The following SRGAP1 variants were observed in gnomAD, a reference collection of about 807,000 sequenced individuals.
SRGAP1 encodes SLIT-ROBO Rho GTPase activating protein 1.
Under a neutral mutation model 121.9 loss-of-function variants are expected in SRGAP1, and 43 were observed. That is an observed-to-expected ratio of 0.35 (90% CI 0.28 to 0.46). SRGAP1 has a LOEUF of 0.46. SRGAP1 is among the 20% of genes least tolerant of loss of function. The pLI is 1.00. For synonymous variants in SRGAP1, 447 were observed against 485.4 expected, an observed-to-expected ratio of 0.92 and a Z score of 1.04; for missense variants, 1,102 against 1,350.9, an observed-to-expected ratio of 0.82 and a Z score of 2.89.
chr12:64,034,866 A>C (rs2034863223), intron 4 of SRGAP1, among the ~76,000 whole-genome samples: 1 of 152,144 alleles, frequency 6.6e-6, no homozygotes, highest in Non-Finnish European at 1.5e-5. Context: ...ATTGTCCTAT[A>C]AATGCTGCTT....
intron 18 of SRGAP1, among the ~76,000 whole-genome samples, chr12:64,117,886 G>A (rs1184154753): frequency 6.6e-6 from 1 of 152,164 alleles, no homozygotes; most frequent in Non-Finnish European, 1.5e-5. Flanking sequence ...ATTTCACTTA[G>A]CAAAATGTCC....
chr12:64,119,608 A>C (rs1038606640), intron 18 of SRGAP1, among the ~76,000 whole-genome samples: 7 of 151,790 alleles, frequency 4.6e-5, no homozygotes, highest in Non-Finnish European at 7.4e-5. Context: ...CTTAGCATTC[A>C]TTTTCAACAC....
In SRGAP1 at chr12:64,142,340, C is replaced by A. The variant is rs763452266; in HGVS notation, c.2926C>A (p.Leu976Met). 3 of 1,614,072 alleles carry A rather than the reference C, an allele frequency of 1.9e-6. No homozygotes were observed. In the South Asian group the frequency reaches 3.3e-5, roughly 18 times the overall value. The part of the protein sequence containing the change: ...MNTALNELRE[L>M]ERQSTAKHAP... ...CACAGCTTTGAATGAACTCCGAGAA[C>A]TGGAGAGACAGAGCACAGCAAAGCA... is the stretch of plus-strand genomic sequence containing the variant. The change falls in exon 22 of 22, where the codon CTG becomes ATG. Residue 976 changes from leucine (L) to methionine (M), a missense_variant. Leu to Met is a conservative substitution (Grantham distance 15). Coordinates refer to ENST00000355086, the MANE Select transcript of SRGAP1 (RefSeq NM_020762.4).
intron 1 of SRGAP1, among the ~76,000 whole-genome samples, chr12:63,945,982 A>G (rs1341170107): frequency 6.7e-6 from 1 of 149,896 alleles, no homozygotes; most frequent in Non-Finnish European, 1.5e-5. Flanking sequence ...ATACCTTCCT[A>G]CCTGGTTCAC....
At chr12:63,854,210 T>G (rs1433123088) in intron 1 of SRGAP1, among the ~76,000 whole-genome samples, 1 of 152,202 alleles carries the variant, frequency 6.6e-6, no homozygotes, top group Non-Finnish European at 1.5e-5. Flanking sequence ...CTCTTAGTAT[T>G]AATAATTCCT....
chr12:63,897,357 T>C (rs1039505587), intron 1 of SRGAP1, among the ~76,000 whole-genome samples: 13 of 152,348 alleles, frequency 8.5e-5, no homozygotes, highest in African/African-American at 2.2e-4. Flanking sequence ...GATAATATTA[T>C]GAGAACTAGA....
intron 1 of SRGAP1, among the ~76,000 whole-genome samples, chr12:63,965,397 G>T (rs1286571340): frequency 6.6e-6 from 1 of 152,022 alleles, no homozygotes; most frequent in Non-Finnish European, 1.5e-5. Context: ...TTAATAGCTT[G>T]GTAATAGAAA....
chr12:63,909,568 T>A (rs1820943350), intron 1 of SRGAP1, among the ~76,000 whole-genome samples: 4 of 152,244 alleles, frequency 2.6e-5, no homozygotes, highest in Non-Finnish European at 5.9e-5. Context: ...AGGCACACTC[T>A]CTGTGTTCCT....
At chr12:64,097,852 G>A (rs548727795) in intron 15 of SRGAP1, among the ~76,000 whole-genome samples, 14 of 152,236 alleles carry the variant, frequency 9.2e-5, no homozygotes, top group African/African-American at 3.4e-4. Context: ...CTGTCAGTGG[G>A]CAACCCAAGC....
intron 15 of SRGAP1, among the ~76,000 whole-genome samples, chr12:64,099,614 C>G (rs1185269646): frequency 6.6e-6 from 1 of 152,122 alleles, no homozygotes; most frequent in African/African-American, 2.4e-5. Flanking sequence ...CTTGCGTAGC[C>G]TGAGTCATCA....
At chr12:64,067,030 AAAAGAAAAAAAAAAGG>A (rs2035553361) in intron 8 of SRGAP1, among the ~76,000 whole-genome samples, 1 of 116,302 alleles carries the variant, frequency 8.6e-6, no homozygotes, top group Non-Finnish European at 2.2e-5. Context: ...GTTTTTTTTT[AAAAGAAAAAAAAAAGG>A]TCTGGCCACT....
intron 1 of SRGAP1, among the ~76,000 whole-genome samples, chr12:63,911,278 G>A (rs1328909378): frequency 7.1e-4 from 99 of 139,202 alleles, no homozygotes; most frequent in African/African-American, 2.5e-3. Context: ...CAGCCTGGGC[G>A]ACAGAGTGAG....
chr12:63,973,252 A>G (rs2033007550), intron 1 of SRGAP1, among the ~76,000 whole-genome samples: 1 of 152,248 alleles, frequency 6.6e-6, no homozygotes, highest in Non-Finnish European at 1.5e-5. Context: ...ACATTCTAAT[A>G]TATTCTAAAC....
intron 3 of SRGAP1, among the ~76,000 whole-genome samples, chr12:64,011,731 A>C (rs933998935): frequency 6.6e-6 from 1 of 152,196 alleles, no homozygotes; most frequent in Non-Finnish European, 1.5e-5. Context: ...TCTGAAAATT[A>C]TATAATTACA....
chr12:64,043,707 T>G, intron 6 of SRGAP1, 132 bp downstream of exon 6: 1 of 646,828 alleles, frequency 1.5e-6, no homozygotes, highest in Non-Finnish European at 2.4e-6. Context: ...AAAAATACTT[T>G]TATTTAAATT....
At chr12:64,042,116 C>T (rs992693827) in intron 4 of SRGAP1, among the ~76,000 whole-genome samples, 1 of 151,822 alleles carries the variant, frequency 6.6e-6, no homozygotes, top group Non-Finnish European at 1.5e-5. Flanking sequence ...AGGCTAGTCT[C>T]GAATTCCTGA....
intron 21 of SRGAP1, among the ~76,000 whole-genome samples, chr12:64,130,238 T>C (rs1444910872): frequency 6.6e-6 from 1 of 152,130 alleles, no homozygotes; most frequent in Non-Finnish European, 1.5e-5. Flanking sequence ...TAGCCAACAC[T>C]GTAACTCCCT....
At chr12:63,878,230 C>T (rs1336379216) in intron 1 of SRGAP1, among the ~76,000 whole-genome samples, 2 of 152,188 alleles carry the variant, frequency 1.3e-5, no homozygotes, top group Non-Finnish European at 2.9e-5. Flanking sequence ...CAAACTTTTT[C>T]TGTGAAGAGC....
chr12:63,871,661 C>T (rs1212587351), intron 1 of SRGAP1: 5 of 623,006 alleles, frequency 8.0e-6, no homozygotes, highest in Non-Finnish European at 1.4e-5. Flanking sequence ...ATAAGAATAG[C>T]GCTGTATTTT....
Sources: allele counts gnomAD v4.1 joint callset (sites outside exome capture counted in the v4.1 genomes callset), GRCh38; gene constraint gnomAD v4.1.1; transcripts MANE v1.5; gene names NCBI Gene and HGNC (gene_info 2026-07-23, HGNC 2026-07-21).